Variants in TNS4 observed in about 807,000 individuals in gnomAD.
TNS4 encodes the protein tensin 4, also known as tensin-4.
TNS4 carries 46 observed loss-of-function variants against 70.4 expected under a neutral mutation model. The observed-to-expected ratio is 0.65, with a 90% confidence interval of 0.52 to 0.84. The LOEUF is 0.84. TNS4 is among the 40% of genes least tolerant of loss of function. The pLI, the probability that TNS4 is intolerant of heterozygous loss-of-function variation, is 0.00. For synonymous variants in TNS4, 390 were observed against 366.6 expected, an observed-to-expected ratio of 1.06 and a Z score of -0.73; for missense variants, 863 against 907.0, an observed-to-expected ratio of 0.95 and a Z score of 0.62.
intron 4 of TNS4, among the ~76,000 whole-genome samples, chr17:40,486,234 T>C (rs1033121143): frequency 6.6e-6 from 1 of 152,108 alleles, no homozygotes. Flanking sequence ...TTCGGCTGTC[T>C]GAACTGGAAT....
intron 9 of TNS4, 46 bp from the exon 10 acceptor site, chr17:40,479,888 G>A: frequency 1.3e-6 from 2 of 1,559,046 alleles, no homozygotes; most frequent in Non-Finnish European, 1.7e-6. Flanking sequence ...CCAGGGCCCA[G>A]GTTCTCCCTC....
rs1452067101 is a variant in TNS4, at chr17:40,496,487, G to A, written c.-62C>T. The A allele has an allele frequency of 4.0e-6, 6 of 1,518,610 alleles. No homozygotes were observed. In the African/African-American group the frequency reaches 8.3e-5, roughly 21 times the overall value. 94.1% of individuals were successfully genotyped at this position (1,518,610 alleles called of 1,614,324 possible). A position where few individuals can be genotyped will look rare whatever the true frequency, so the allele number is the denominator to read the frequency against. Reference sequence around the variant, plus strand: ...TTCAACCAGCCTCACTGACATCCCAGAGATCTCACTTGCTAACCAGGAGCT... The same window carrying A: ...TTCAACCAGCCTCACTGACATCCCAAAGATCTCACTTGCTAACCAGGAGCT... On this transcript the variant is annotated 5_prime_UTR_variant, in exon 2 of 13. Transcript: ENST00000254051.
chr17:40,496,207 C>T lies in TNS4; in HGVS notation c.219G>A (p.Glu73=), dbSNP rs2036141078. ...PGRLQQAPQV[E]AKATCFLPSP... is the part of the protein sequence containing the mutation. The stretch of plus-strand genomic sequence containing the variant: ...ACGGCAGGAAGCAGGTGGCTTTGGC[C>T]TCCACCTGTGGGGCTTGCTGGAGTC... Residue 73 remains glutamate, a synonymous_variant, in exon 2 of 13, where the codon GAG becomes GAA. Transcript: ENST00000254051. 6.2e-7 allele frequency: 1 copy of T among 1,604,006 alleles called. No homozygotes were observed. The highest frequency in any genetic ancestry group is 2.2e-5 in the East Asian group (1 of 44,802).
rs1597703029 is a variant in TNS4 at position 40,499,044 on chromosome 17, TCC to T, written c.-96+2488_-96+2489del. ...TATTGTCTTATGCCCAATTTCTGCCTCCAAAGAAAGAAAAAGTAAAAACTAAA... is the reference window on the plus strand; with the variant it reads ...TATTGTCTTATGCCCAATTTCTGCCTAAAGAAAGAAAAAGTAAAAACTAAA... On this transcript the variant is annotated intron_variant, in intron 1 of 12. Coordinates refer to ENST00000254051, the MANE Select transcript of TNS4 (RefSeq NM_032865.6). Among the ~76,000 whole-genome samples, 8 of 152,020 alleles carry T rather than the reference TCC, an allele frequency of 5.3e-5. No individual in the cohort carries two copies. The East Asian group carries it at 1.4e-3, about 26-fold the overall frequency.
rs753334135 is a variant in TNS4, at chr17:40,482,123, A to G, written c.1672+6T>C. The stretch of plus-strand genomic sequence containing the variant: ...TTGGCATTGCCTCTTTGGGGCCCAG[A>G]CCCACCTCTCTGTGGGATGGTGAGT... On this transcript the variant is annotated splice_donor_region_variant and intron_variant, in intron 8 of 12. Coordinates refer to ENST00000254051, the MANE Select transcript of TNS4 (RefSeq NM_032865.6). 1.9e-6 allele frequency: 3 copies of G among 1,613,972 alleles called. No individual in the cohort carries two copies. The highest frequency in any genetic ancestry group is 2.5e-6 in the Non-Finnish European group (3 of 1,179,946).
chr17:40,493,166 CA>C (rs886977578), intron 2 of TNS4, among the ~76,000 whole-genome samples: 1 of 151,114 alleles, frequency 6.6e-6, no homozygotes, highest in Non-Finnish European at 1.5e-5. Context: ...GACTCTGTCT[CA>C]AAAAAAATAT....
rs572701810 is a variant in TNS4, at chr17:40,478,114, G to A, written c.2006+193C>T. The A allele has an allele frequency of 4.3e-6, 3 of 702,486 alleles. No individual in the cohort carries two copies. The East Asian group carries it at 8.1e-5, about 19-fold the overall frequency. The allele number at this position is 702,486 out of a possible 1,614,324, so 43.5% of individuals were successfully genotyped here. ...TCTTGCAGAAGATTGAGGGCTCCCA[G>A]GCTCATGTCACCCCCAACAGCCCAG... On this transcript the variant is annotated intron_variant, in intron 12 of 12. Transcript: ENST00000254051.
In TNS4 at chr17:40,496,187, A is replaced by G. The variant is rs1267052322; in HGVS notation, c.239T>C (p.Leu80Pro). The stretch of plus-strand genomic sequence containing the variant: ...CAAGGCCTTCTCACCAGGGGACGGC[A>G]GGAAGCAGGTGGCTTTGGCCTCCAC... ...PQVEAKATCF[L>P]PSPGEKALGT... The change falls in exon 2 of 13, where the codon CTG becomes CCG. Residue 80 changes from leucine to proline, a missense_variant. Transcript: ENST00000254051. The G allele has an allele frequency of 3.7e-6, 6 of 1,607,538 alleles. No homozygotes were observed. In the South Asian group the frequency reaches 4.4e-5, roughly 12 times the overall value.
At chr17:40,489,751 C>T (rs1342934653) in intron 2 of TNS4, among the ~76,000 whole-genome samples, 6 of 148,828 alleles carry the variant, frequency 4.0e-5, no homozygotes, top group Admixed American at 6.7e-5. Flanking sequence ...GCCGAGATTG[C>T]GCCACTGCAC....
At position 40,482,362 on chromosome 17, in the gene TNS4, C is replaced by G; in HGVS notation, c.1556G>C (p.Gly519Ala). 1.2e-6 allele frequency: 2 copies of G among 1,614,170 alleles called. No homozygotes were observed. Among genetic ancestry groups the G allele is most frequent in the Non-Finnish European group, 1.7e-6 (2 of 1,180,038 alleles). Residue 519 changes from glycine to alanine, a missense_variant, in exon 7 of 13, where the codon GGA (glycine) becomes GCA (alanine). Transcript: ENST00000254051. ...CTCATCTGCTCCTTTGAGATGCACT[C>G]CTTTGGCAGACGACTCGATGAGGAA... is the stretch of plus-strand genomic sequence containing the variant. The part of the protein sequence containing the change: ...RHFLIESSAK[G>A]VHLKGADEEP...
chr17:40,485,707 T>C (rs2035981636), intron 4 of TNS4, among the ~76,000 whole-genome samples: 1 of 152,242 alleles, frequency 6.6e-6, no homozygotes, highest in Non-Finnish European at 1.5e-5. Flanking sequence ...GGAATATCAC[T>C]AGGCTAAGTA....
At chr17:40,495,092 G>T (rs1204902647) in intron 2 of TNS4, among the ~76,000 whole-genome samples, 1 of 152,036 alleles carries the variant, frequency 6.6e-6, no homozygotes, top group Non-Finnish European at 1.5e-5. Context: ...TCAGGATTTT[G>T]TCTAGCTAGT....
intron 9 of TNS4, 37 bp from the exon 10 acceptor site, chr17:40,479,879 C>A: frequency 6.4e-7 from 1 of 1,570,378 alleles, no homozygotes. Context: ...GCCACTGACC[C>A]AGGGCCCAGG....
intron 5 of TNS4, 116 bp from the exon 6 acceptor site, chr17:40,484,725 C>T: frequency 1.3e-6 from 2 of 1,507,724 alleles, no homozygotes; most frequent in Non-Finnish European, 1.8e-6. Context: ...CCCAGGAAGT[C>T]CTTTGTACTG....
In TNS4 at chr17:40,487,098, C is replaced by T; in HGVS notation, c.1226G>A (p.Cys409Tyr). Residue 409 changes from cysteine to tyrosine, a missense_variant, in exon 4 of 13, where the codon TGT (cysteine) becomes TAT (tyrosine). Physicochemically the swap from Cys to Tyr is radical, Grantham distance 194. Transcript: ENST00000254051. ...QPGAASPSNPCPATRSNSQTL... is the reference protein window; with the variant it reads ...QPGAASPSNPYPATRSNSQTL... Reference sequence around the variant, plus strand: ...CTGGCTGTTGCTCCTGGTGGCTGGACAGGGGTTGCTGGGAGAAGCAGCTCC... The same window carrying T: ...CTGGCTGTTGCTCCTGGTGGCTGGATAGGGGTTGCTGGGAGAAGCAGCTCC... The T allele has an allele frequency of 6.2e-7, 1 of 1,614,178 alleles. No individual in the cohort carries two copies. The highest frequency in any genetic ancestry group is 1.7e-5 in the Admixed American group (1 of 60,020).
intron 1 of TNS4, among the ~76,000 whole-genome samples, chr17:40,499,635 AG>A (rs1039553521): frequency 3.9e-5 from 6 of 152,192 alleles, no homozygotes; most frequent in African/African-American, 1.4e-4. Context: ...CAGGTCCTGC[AG>A]GGGGCGGGGC....
chr17:40,478,742 C>T (rs376467724), intron 10 of TNS4, 94 bp from the exon 11 acceptor site: 24 of 1,420,390 alleles, frequency 1.7e-5, no homozygotes, highest in East Asian at 1.6e-4. Context: ...GCTCAGGTGC[C>T]CTGTCCTCCA....
At chr17:40,500,987 C>T (rs529481146) in intron 1 of TNS4, among the ~76,000 whole-genome samples, 118 of 152,328 alleles carry the variant, frequency 7.7e-4, no homozygotes, top group African/African-American at 2.6e-3. Flanking sequence ...CAAGCCTCTT[C>T]TCTGTGGCCC....
chr17:40,486,052 C>G (rs2035985713), intron 4 of TNS4, among the ~76,000 whole-genome samples: 1 of 152,118 alleles, frequency 6.6e-6, no homozygotes, highest in Non-Finnish European at 1.5e-5. Flanking sequence ...GGCTGAGAAG[C>G]CCCCCGATGG....
Sources: gnomAD v4.1 joint callset for allele counts (sites outside exome capture counted in the v4.1 genomes callset) on GRCh38, gnomAD v4.1.1 for gene constraint, MANE v1.5 for transcripts, NCBI Gene and HGNC (gene_info 2026-07-23, HGNC 2026-07-21) for gene names.